PCYT1A: variants seen among roughly 807,000 people sequenced by gnomAD.
PCYT1A encodes choline-phosphate cytidylyltransferase A.
PCYT1A carries 25 observed loss-of-function variants against 43.7 expected under a neutral mutation model. That is an observed-to-expected ratio of 0.57 (90% confidence interval 0.42 to 0.80). The LOEUF (loss-of-function observed/expected upper bound fraction) is 0.80, where lower values mean the gene tolerates loss of function less well. Ranked by LOEUF, PCYT1A falls within the 30% of genes least tolerant of loss-of-function variation. The pLI, the probability that PCYT1A is intolerant of heterozygous loss-of-function variation, is 0.00. For missense variants in PCYT1A, 421 were observed against 474.2 expected (o/e 0.89, Z 1.04); for synonymous variants, 172 against 170.7 (o/e 1.01, Z -0.06).
rs183005400 is a variant in PCYT1A at position 196,284,601 on chromosome 3, C to A, written c.-11+3014G>T. ...AAGTCCAGGCTCTATCTGACGAGGT[C>A]ATTCTTCTTAAGGGATCACATATCC... On this transcript the variant is annotated intron_variant, in intron 1 of 8. Transcript: ENST00000431016. Among the ~76,000 whole-genome samples, 305 of 152,204 alleles carry A rather than the reference C, an allele frequency of 2.0e-3. 1 individual carries two copies. In the South Asian group the frequency reaches 0.025, roughly 13 times the overall value.
At chr3:196,287,344 C>G (rs1725942089) in intron 1 of PCYT1A, 1 of 152,290 alleles carries the variant, frequency 6.6e-6, no homozygotes, top group Admixed American at 6.5e-5. Context: ...GCCCCTTGAT[C>G]ATAGTCCCTT....
At chr3:196,285,472 T>TAAAC (rs1725883873) in intron 1 of PCYT1A, among the ~76,000 whole-genome samples, 1 of 151,378 alleles carries the variant, frequency 6.6e-6, no homozygotes, top group Non-Finnish European at 1.5e-5. Flanking sequence ...AATAAATAAA[T>TAAAC]AAATAAATAA....
At position 196,236,790 on chromosome 3, in the gene PCYT1A, C is replaced by T. The variant is rs1271891181; in HGVS notation, c.*1898G>A. 6.6e-6 allele frequency: 1 copy of T among 152,276 alleles called. No homozygotes were observed. The highest frequency in any genetic ancestry group is 2.4e-5 in the African/African-American group (1 of 41,444). The allele number at this position is 152,276 out of a possible 1,614,324, so 9.4% of individuals were successfully genotyped here. On this transcript the variant is annotated 3_prime_UTR_variant, in exon 9 of 9. Coordinates refer to ENST00000431016, the MANE Select transcript of PCYT1A (RefSeq NM_001312673.2). ...CAAGGGATTCTCCTGCCTCAGCCTC[C>T]CAAGTAGCTGGGATTACAGGTGCCC...
Position 196,279,821 on chromosome 3 carries a change from C to CCTTT in PCYT1A, c.-11+7790_-11+7793dup, listed in dbSNP as rs1725701543. Among the ~76,000 whole-genome samples, 4 of 136,260 alleles carry CCTTT rather than the reference C, an allele frequency of 2.9e-5. No homozygotes were observed. In the Admixed American group the frequency reaches 3.3e-4, roughly 11 times the overall value. The allele number at this position is 136,260 out of a possible 152,430, so 89.4% of individuals were successfully genotyped here. ...GTAGTTTTAGGGACTCCTATCCAGT[C>CCTTT]CTTTCTTTTTTTTTTTTTTTTTTTT... On this transcript the variant is annotated intron_variant, in intron 1 of 8. Coordinates refer to ENST00000431016, the MANE Select transcript of PCYT1A (RefSeq NM_001312673.2).
rs1422031584 is a variant in PCYT1A at position 196,235,223 on chromosome 3, G to C, written c.*3465C>G. On this transcript the variant is annotated 3_prime_UTR_variant, in exon 9 of 9. Coordinates refer to ENST00000431016, the MANE Select transcript of PCYT1A (RefSeq NM_001312673.2). The surrounding 1 kb of genome is among the most constrained non-coding windows in gnomAD (Gnocchi z 4.3). The stretch of plus-strand genomic sequence containing the variant: ...TGAACCACTGTGGAAAGAACATCTA[G>C]AGATGGTCTGACCAGCTGTGCAGCC... The C allele has an allele frequency of 1.3e-5, 2 of 152,148 alleles. No homozygotes were observed. Among genetic ancestry groups the C allele is most frequent in the Admixed American group, 1.3e-4 (2 of 15,274 alleles). 9.4% of individuals were successfully genotyped at this position (152,148 alleles called of 1,614,324 possible).
intron 7 of PCYT1A, chr3:196,241,716 C>A: frequency 2.2e-6 from 3 of 1,376,718 alleles, no homozygotes; most frequent in Non-Finnish European, 2.9e-6. Flanking sequence ...ATAAATTACT[C>A]ATTTATTTAG....
chr3:196,275,625 C>T (rs1725564510), intron 1 of PCYT1A, among the ~76,000 whole-genome samples: 2 of 151,714 alleles, frequency 1.3e-5, no homozygotes, highest in African/African-American at 2.4e-5. Flanking sequence ...CCCAGCTACT[C>T]GGGAGGCTGA....
chr3:196,259,932 TTTTTTTTTGA>T, intron 2 of PCYT1A, among the ~76,000 whole-genome samples: 1 of 132,518 alleles, frequency 7.5e-6, no homozygotes, highest in African/African-American at 2.9e-5. Context: ...TTTTTTTTTT[TTTTTTTTTGA>T]GGCAAAGTCT....
Position 196,242,105 on chromosome 3 carries a change from C to T in PCYT1A, c.566-15G>A. On this transcript the variant is annotated splice_polypyrimidine_tract_variant and intron_variant, in intron 6 of 8. Coordinates refer to ENST00000431016, the MANE Select transcript of PCYT1A (RefSeq NM_001312673.2). This position sits in a 1 kb window ranked among gnomAD's most constrained non-coding sequence, Gnocchi z 4.2. ...AGCAAACATGCCTAACTCAGAAACA[C>T]ATACAGACAAACACTGTGAGGTTCT... 6.2e-7 allele frequency: 1 copy of T among 1,613,446 alleles called. No individual in the cohort carries two copies. The highest frequency in any genetic ancestry group is 8.5e-7 in the Non-Finnish European group (1 of 1,179,726).
Position 196,248,317 on chromosome 3 carries a change from C to T in PCYT1A, c.224G>A (p.Arg75Gln), listed in dbSNP as rs369594442. 2.8e-5 allele frequency: 44 copies of T among 1,587,326 alleles called. No individual in the cohort carries two copies. The highest frequency in any genetic ancestry group is 1.7e-4 in the Middle Eastern group (1 of 6,020). Residue 75 changes from arginine (R) to glutamine (Q), a missense_variant, in exon 4 of 9, where the codon CGA becomes CAA. By Grantham distance (43) the Arg-to-Gln change is conservative (BLOSUM62 1). Coordinates refer to ENST00000431016, the MANE Select transcript of PCYT1A (RefSeq NM_001312673.2). ...TCCATCGGCATAAACTCTCACAGGTCGCTCACCTAAATCCAAATGAAAGAA... is the reference window on the plus strand; with the variant it reads ...TCCATCGGCATAAACTCTCACAGGTTGCTCACCTAAATCCAAATGAAAGAA... ...EEASRGTPCE[R>Q]PVRVYADGIF...
At position 196,247,402 on chromosome 3, in the gene PCYT1A, A is replaced by C; in HGVS notation, c.451T>G (p.Trp151Gly). 1 of 1,614,246 alleles carries C rather than the reference A, an allele frequency of 6.2e-7. No individual in the cohort carries two copies. The highest frequency in any genetic ancestry group is 8.5e-7 in the Non-Finnish European group (1 of 1,180,042). Residue 151 changes from tryptophan to glycine, a missense_variant, in exon 5 of 9, where the codon TGG becomes GGG. Physicochemically the swap from Trp to Gly is radical, Grantham distance 184. This residue lies in a region of PCYT1A where 174 missense variants were observed against 270.7 expected (regional missense o/e 0.64). Coordinates refer to ENST00000431016, the MANE Select transcript of PCYT1A (RefSeq NM_001312673.2). The surrounding 1 kb of genome is among the most constrained non-coding windows in gnomAD (Gnocchi z 4.8). ...GCCAGGAACTCGGGTGTCAGCGTCCAGGGCGCATTCCTCACCACCTCATCC... is the reference window on the plus strand; with the variant it reads ...GCCAGGAACTCGGGTGTCAGCGTCCCGGGCGCATTCCTCACCACCTCATCC... The part of the protein sequence containing the change: ...YVDEVVRNAP[W>G]TLTPEFLAEH...
intron 1 of PCYT1A, among the ~76,000 whole-genome samples, chr3:196,280,350 C>T (rs1273863513): frequency 6.6e-6 from 1 of 152,122 alleles, no homozygotes; most frequent in Non-Finnish European, 1.5e-5. Flanking sequence ...GCACTGGTTC[C>T]AGGATCTCCT....
chr3:196,243,446 T>C (rs1291624856), intron 5 of PCYT1A, among the ~76,000 whole-genome samples: 1 of 152,094 alleles, frequency 6.6e-6, no homozygotes, highest in Admixed American at 6.5e-5. Flanking sequence ...AATAGATACA[T>C]CTATTGGCCT....
At chr3:196,269,620 G>A (rs961888917) in intron 2 of PCYT1A, among the ~76,000 whole-genome samples, 3 of 152,028 alleles carry the variant, frequency 2.0e-5, no homozygotes, top group Admixed American at 2.0e-4. Context: ...AGTGTGGAAT[G>A]GGGTCTTTCA....
chr3:196,259,633 CAGG>C (rs764647750), intron 2 of PCYT1A, among the ~76,000 whole-genome samples: 12 of 151,810 alleles, frequency 7.9e-5, no homozygotes, highest in Non-Finnish European at 1.6e-4. Context: ...TGCTTGAGCC[CAGG>C]AGTTCAAGAC....
intron 1 of PCYT1A, among the ~76,000 whole-genome samples, chr3:196,272,933 C>G (rs1325138322): frequency 6.6e-6 from 1 of 152,236 alleles, no homozygotes; most frequent in African/African-American, 2.4e-5. Context: ...GTCCACTCAG[C>G]CTGGTAGGCT....
chr3:196,285,095 G>A lies in PCYT1A; in HGVS notation c.-11+2520C>T, dbSNP rs187052303. On this transcript the variant is annotated intron_variant, in intron 1 of 8. Transcript: ENST00000431016. ...TGGTTATCAGATTAATACACTGTAC[G>A]ATAAATTAAATGACCTCATACTTCT... is the stretch of plus-strand genomic sequence containing the variant. 1.3e-4 allele frequency among the ~76,000 whole-genome samples: 20 copies of A among 152,226 alleles called. No individual in the cohort carries two copies. In the East Asian group the frequency reaches 2.9e-3, roughly 22 times the overall value.
At chr3:196,253,880 A>G (rs1724874308) in intron 3 of PCYT1A, among the ~76,000 whole-genome samples, 1 of 151,316 alleles carries the variant, frequency 6.6e-6, no homozygotes, top group Non-Finnish European at 1.5e-5. Context: ...TGTATGTTAT[A>G]GTATATATAA....
intron 3 of PCYT1A, 69 bp from the exon 4 acceptor site, chr3:196,248,392 G>A: frequency 1.0e-6 from 1 of 956,274 alleles, no homozygotes; most frequent in African/African-American, 1.6e-5. Context: ...TTATTTTTGA[G>A]GCCGAGTCTC....
Sources: allele counts gnomAD v4.1 joint callset (sites outside exome capture counted in the v4.1 genomes callset), GRCh38; gene constraint gnomAD v4.1.1; regional missense constraint gnomAD v4.1.1; non-coding constraint Gnocchi (gnomAD v3.1); transcripts MANE v1.5; gene names NCBI Gene and HGNC (gene_info 2026-07-23, HGNC 2026-07-21).